Variants in CNTNAP5 observed in about 807,000 individuals in gnomAD.
CNTNAP5 encodes contactin-associated protein-like 5.
Under a neutral mutation model 150.2 loss-of-function variants are expected in CNTNAP5, and 72 were observed. The ratio of observed to expected loss-of-function variants is 0.48; its 90% CI spans 0.40 to 0.58. The LOEUF is 0.58. CNTNAP5 is among the 20% of genes least tolerant of loss of function. The pLI, the probability that CNTNAP5 is intolerant of heterozygous loss-of-function variation, is 0.00. For missense variants in CNTNAP5, 1,636 were observed against 1,626.2 expected (o/e 1.01, Z -0.10); for synonymous variants, 672 against 619.8 (o/e 1.08, Z -1.25).
chr2:124,445,976 G>A (rs1692805155), intron 5 of CNTNAP5, among the ~76,000 whole-genome samples: 2 of 152,114 alleles, frequency 1.3e-5, no homozygotes, highest in African/African-American at 4.8e-5. Context: ...GAACCAGGCA[G>A]GTTGGATTGC....
intron 1 of CNTNAP5, among the ~76,000 whole-genome samples, chr2:124,040,647 G>GTGTA (rs1301373710): frequency 6.6e-6 from 1 of 151,654 alleles, no homozygotes; most frequent in Non-Finnish European, 1.5e-5. Flanking sequence ...GTGTGTGTGT[G>GTGTA]TGTGTGTGTA....
intron 11 of CNTNAP5, among the ~76,000 whole-genome samples, chr2:124,564,141 G>A (rs1446642646): frequency 2.0e-5 from 3 of 152,172 alleles, no homozygotes; most frequent in African/African-American, 7.2e-5. Context: ...ATACTCAGAA[G>A]CAAAGAAACA....
chr2:124,869,525 C>T lies in CNTNAP5; in HGVS notation c.3349-150C>T, dbSNP rs561291910. 6.3e-4 allele frequency: 348 copies of T among 553,544 alleles called. 2 individuals carry two copies. In the South Asian group the frequency reaches 8.0e-3, roughly 13 times the overall value. The allele number at this position is 553,544 out of a possible 1,614,324, so 34.3% of individuals were successfully genotyped here. A position where few individuals can be genotyped will look rare whatever the true frequency, so the allele number is the denominator to read the frequency against. On this transcript the variant is annotated intron_variant, in intron 20 of 23. Transcript: ENST00000682447. The stretch of plus-strand genomic sequence containing the variant: ...TTTATGTGCGTTGTGGGCAAATTAG[C>T]GAGACCTGTCTAATCTCTCCTGAGA...
intron 1 of CNTNAP5, among the ~76,000 whole-genome samples, chr2:124,178,878 A>C (rs1258200056): frequency 1.3e-5 from 2 of 151,924 alleles, no homozygotes; most frequent in Non-Finnish European, 2.9e-5. Flanking sequence ...TGAATACAAT[A>C]CTTGTGAAAA....
At chr2:124,812,149 A>T (rs182215652) in intron 19 of CNTNAP5, among the ~76,000 whole-genome samples, 16,391 of 90,844 alleles carry the variant, frequency 0.18, 2,143 homozygotes, top group African/African-American at 0.38. Flanking sequence ...TATATTATAT[A>T]ATATATAAAT....
chr2:124,125,406 CA>C (rs1185501279), intron 1 of CNTNAP5, among the ~76,000 whole-genome samples: 1 of 152,180 alleles, frequency 6.6e-6, no homozygotes, highest in Admixed American at 6.5e-5. Context: ...CACCCAGATT[CA>C]TAAAGCAAGC....
chr2:124,084,924 G>GTTTTTCTTTTTTTTTTTTTT (rs1682646411), intron 1 of CNTNAP5, among the ~76,000 whole-genome samples: 1 of 89,978 alleles, frequency 1.1e-5, no homozygotes, highest in Non-Finnish European at 2.0e-5. Flanking sequence ...CAAGTTTCCT[G>GTTTTTCTTTTTTTTTTTTTT]TTTTTTTTTT....
chr2:124,224,978 T>C lies in CNTNAP5; in HGVS notation c.187+3169T>C, dbSNP rs116236381. ...TTAATGTGTCTTCCTTTAAAACTTA[T>C]CTTTTGTTTTACAAAGAAAAAACAT... On this transcript the variant is annotated intron_variant, in intron 2 of 23. Coordinates refer to ENST00000682447, the MANE Select transcript of CNTNAP5 (RefSeq NM_001367498.1). Among the ~76,000 whole-genome samples the C allele has an allele frequency of 7.8e-3, 1,183 of 152,272 alleles. 15 individuals carry two copies. Among genetic ancestry groups the C allele is most frequent in the African/African-American group, 0.026 (1,096 of 41,554 alleles).
chr2:124,491,662 C>T (rs186861664), intron 7 of CNTNAP5, among the ~76,000 whole-genome samples: 48 of 152,204 alleles, frequency 3.2e-4, no homozygotes, highest in Non-Finnish European at 4.0e-4. Context: ...TAGGGAACCT[C>T]CATGTTGTTT....
At chr2:124,282,135 C>G (rs1688030068) in intron 3 of CNTNAP5, among the ~76,000 whole-genome samples, 1 of 152,000 alleles carries the variant, frequency 6.6e-6, no homozygotes, top group African/African-American at 2.4e-5. Flanking sequence ...CATAGGCACC[C>G]AAAAAGGGCA....
At chr2:124,094,045 T>C (rs1307283396) in intron 1 of CNTNAP5, among the ~76,000 whole-genome samples, 2 of 152,246 alleles carry the variant, frequency 1.3e-5, no homozygotes, top group African/African-American at 4.8e-5. Context: ...TGTCGAATAA[T>C]GAGTTTTGAA....
chr2:124,361,751 A>G (rs977102974), intron 3 of CNTNAP5, among the ~76,000 whole-genome samples: 63 of 151,846 alleles, frequency 4.1e-4, no homozygotes, highest in Admixed American at 1.5e-3. Context: ...AGAGGTTACT[A>G]CTGTCTTTTT....
chr2:124,131,670 A>G (rs377336396), intron 1 of CNTNAP5, among the ~76,000 whole-genome samples: 3 of 152,186 alleles, frequency 2.0e-5, no homozygotes, highest in East Asian at 1.9e-4. Flanking sequence ...GCTGCAAGAC[A>G]TTGATAGTAT....
chr2:124,543,302 T>C (rs1695433280), intron 10 of CNTNAP5, among the ~76,000 whole-genome samples: 1 of 128,528 alleles, frequency 7.8e-6, no homozygotes, highest in Non-Finnish European at 1.6e-5. Context: ...TATTACAATC[T>C]TGTGCCTTAA....
intron 3 of CNTNAP5, among the ~76,000 whole-genome samples, chr2:124,400,681 T>TG (rs566677506): frequency 0.072 from 7,151 of 99,628 alleles, 256 homozygotes; most frequent in Non-Finnish European, 0.096. Flanking sequence ...TTTTTTTTTT[T>TG]TTTTTTTGTT....
intron 19 of CNTNAP5, among the ~76,000 whole-genome samples, chr2:124,838,809 C>A (rs1682883706): frequency 6.6e-6 from 1 of 151,840 alleles, no homozygotes; most frequent in African/African-American, 2.4e-5. Flanking sequence ...TTTTTTTCTT[C>A]CTCTATTCTT....
chr2:124,857,605 C>G (rs935531844), intron 19 of CNTNAP5, among the ~76,000 whole-genome samples: 2 of 151,644 alleles, frequency 1.3e-5, no homozygotes, highest in African/African-American at 4.8e-5. Context: ...GCGGGTGGAT[C>G]AACTGAGGTC....
intron 8 of CNTNAP5, among the ~76,000 whole-genome samples, chr2:124,510,325 C>CTATATATCTATCTA (rs1694543542): frequency 1.2e-4 from 1 of 8,312 alleles, no homozygotes; most frequent in African/African-American, 2.9e-4. Context: ...ATATATCTAT[C>CTATATATCTATCTA]TATATATATA....
intron 17 of CNTNAP5, among the ~76,000 whole-genome samples, chr2:124,773,885 C>T (rs1490224281): frequency 1.4e-5 from 2 of 145,564 alleles, no homozygotes; most frequent in Admixed American, 1.4e-4. Context: ...ATAATTCTTA[C>T]ATTTTGTTAA....
Sources: gnomAD v4.1 joint callset for allele counts (sites outside exome capture counted in the v4.1 genomes callset) on GRCh38, gnomAD v4.1.1 for gene constraint, MANE v1.5 for transcripts, NCBI Gene and HGNC (gene_info 2026-07-23, HGNC 2026-07-21) for gene names.